The following MYLK variants were observed in gnomAD, a reference collection of about 807,000 sequenced individuals.
MYLK encodes myosin light chain kinase.
In MYLK, 106 loss-of-function variants were observed where a neutral mutation model predicts 203.4. The observed-to-expected ratio is 0.52, with a 90% CI of 0.45 to 0.61. MYLK has a LOEUF of 0.61. Ranked by LOEUF, MYLK falls within the 20% of genes least tolerant of loss-of-function variation. MYLK has a pLI of 0.00. For synonymous variants in MYLK, 867 were observed against 959.5 expected, an observed-to-expected ratio of 0.90 and a Z score of 1.78; for missense variants, 2,072 against 2,442.3, an observed-to-expected ratio of 0.85 and a Z score of 3.20.
At chr3:123,753,987 C>A (rs1014463498) in intron 4 of MYLK, among the ~76,000 whole-genome samples, 1 of 152,204 alleles carries the variant, frequency 6.6e-6, no homozygotes, top group Non-Finnish European at 1.5e-5. Flanking sequence ...CTACTCACAC[C>A]CCCTGCAAGG....
rs2059083380 is a variant in MYLK, at chr3:123,648,036, C to T, written c.4416-609G>A. Among the ~76,000 whole-genome samples, 1 of 152,222 alleles carries T rather than the reference C, an allele frequency of 6.6e-6. No homozygotes were observed. Among genetic ancestry groups the T allele is most frequent in the Admixed American group, 6.5e-5 (1 of 15,284 alleles). ...ACTGACCCCCTGGTGATGGCCCAGG[C>T]AGGGTCCTGCTTCCTACTGCTGAGA... On this transcript the variant is annotated intron_variant, in intron 26 of 33. Coordinates refer to ENST00000360304, the MANE Select transcript of MYLK (RefSeq NM_053025.4). The surrounding 1 kb of genome is among the most constrained non-coding windows in gnomAD (Gnocchi z 4.5).
chr3:123,671,172 G>A (rs1318483351), intron 20 of MYLK, among the ~76,000 whole-genome samples: 6 of 152,242 alleles, frequency 3.9e-5, no homozygotes, highest in African/African-American at 7.2e-5. Flanking sequence ...ATAGATACAC[G>A]TGGAAAGTCA....
chr3:123,681,057 G>C (rs2060246720), intron 20 of MYLK: 1 of 152,138 alleles, frequency 6.6e-6, no homozygotes. Flanking sequence ...TATTATATTT[G>C]AATTATGTAA....
rs1412559156 is a variant in MYLK, at chr3:123,732,909, G to C, written c.1503C>G (p.Thr501=). 5 of 1,613,964 alleles carry C rather than the reference G, an allele frequency of 3.1e-6. No individual in the cohort carries two copies. In the African/African-American group the frequency reaches 6.7e-5, roughly 22 times the overall value. The change falls in exon 11 of 34, where the codon ACC becomes ACG. Residue 501 remains threonine, a synonymous_variant. Transcript: ENST00000360304. ...NAQGQLSCSW[T]LQVERLAVME... ...AAGTGTACTCACTTTCCACTTGGAG[G>C]GTCCAGCTACAGGACAGCTGGCCTT...
At chr3:123,726,352 C>T (rs974681125) in intron 11 of MYLK, among the ~76,000 whole-genome samples, 4 of 152,188 alleles carry the variant, frequency 2.6e-5, no homozygotes, top group Non-Finnish European at 4.4e-5. Context: ...TGCCTTCTCT[C>T]CTCTGTGACT....
At chr3:123,868,726 ATAAGAT>A (rs2032522563) in intron 2 of MYLK, among the ~76,000 whole-genome samples, 1 of 152,240 alleles carries the variant, frequency 6.6e-6, no homozygotes, top group African/African-American at 2.4e-5. Flanking sequence ...GAACAATATC[ATAAGAT>A]TGACAAAGAT....
At chr3:123,803,830 G>A (rs554376678) in intron 3 of MYLK, among the ~76,000 whole-genome samples, 9 of 152,318 alleles carry the variant, frequency 5.9e-5, no homozygotes, top group African/African-American at 1.7e-4. Context: ...GGTCAGTCCC[G>A]ACCCACACCT....
At chr3:123,691,363 C>G (rs947369101) in intron 19 of MYLK, 1 of 152,160 alleles carries the variant, frequency 6.6e-6, no homozygotes, top group African/African-American at 2.4e-5. Context: ...TCCCATGCCC[C>G]CTCTGAATTG....
At chr3:123,742,649 G>A (rs769934193) in intron 5 of MYLK, among the ~76,000 whole-genome samples, 2 of 152,144 alleles carry the variant, frequency 1.3e-5, no homozygotes, top group East Asian at 1.9e-4. Context: ...CAAAATATCC[G>A]TGTACCATCC....
At chr3:123,831,840 G>A (rs1162483121) in intron 2 of MYLK, among the ~76,000 whole-genome samples, 170 bp from the exon 3 acceptor site, 1 of 152,174 alleles carries the variant, frequency 6.6e-6, no homozygotes. Flanking sequence ...GGGGTTATAC[G>A]TTTAGAGTTC....
intron 2 of MYLK, among the ~76,000 whole-genome samples, chr3:123,843,269 T>C (rs1163557056): frequency 1.3e-5 from 2 of 152,214 alleles, no homozygotes; most frequent in African/African-American, 2.4e-5. Flanking sequence ...GAAATAATCA[T>C]ATATTTTAAT....
In MYLK at chr3:123,666,358, C is replaced by G. The variant is rs764260723; in HGVS notation, c.3704-12G>C. The G allele has an allele frequency of 6.2e-7, 1 of 1,614,140 alleles. No individual in the cohort carries two copies. The highest frequency in any genetic ancestry group is 8.5e-7 in the Non-Finnish European group (1 of 1,180,024). ...CTGAGGGGGCATTGCTGAGGGAGGA[C>G]AGGGAGAAAGTGAGCGAGGCAGAAG... On this transcript the variant is annotated splice_polypyrimidine_tract_variant and intron_variant, in intron 21 of 33. Coordinates refer to ENST00000360304, the MANE Select transcript of MYLK (RefSeq NM_053025.4).
intron 12 of MYLK, among the ~76,000 whole-genome samples, chr3:123,724,142 T>A (rs2062194684): frequency 2.8e-4 from 3 of 10,836 alleles, no homozygotes; most frequent in East Asian, 0.024. Flanking sequence ...AGTTTTGCTT[T>A]TTTTTTTTTT....
At position 123,640,644 on chromosome 3, in the gene MYLK, T is replaced by TC; in HGVS notation, c.4620-141dup. On this transcript the variant is annotated intron_variant, in intron 27 of 33. Coordinates refer to ENST00000360304, the MANE Select transcript of MYLK (RefSeq NM_053025.4). This position sits in a 1 kb window ranked among gnomAD's most constrained non-coding sequence, Gnocchi z 4.3. The stretch of plus-strand genomic sequence containing the variant: ...ATGGGGGTGATGGGCAATTCCTGAA[T>TC]CCCCACCCTCCGACATGGGAGAAGG... 1.2e-6 allele frequency: 1 copy of TC among 846,862 alleles called. No homozygotes were observed. The highest frequency in any genetic ancestry group is 1.9e-6 in the Non-Finnish European group (1 of 515,368). 52.5% of individuals were successfully genotyped at this position (846,862 alleles called of 1,614,324 possible).
intron 3 of MYLK, among the ~76,000 whole-genome samples, chr3:123,801,865 T>G (rs2065208316): frequency 6.6e-6 from 1 of 152,228 alleles, no homozygotes; most frequent in Non-Finnish European, 1.5e-5. Flanking sequence ...TCTTTGCTAT[T>G]GGGAATAGCA....
At chr3:123,715,362 C>G (rs1417860020) in intron 13 of MYLK, among the ~76,000 whole-genome samples, 2 of 152,232 alleles carry the variant, frequency 1.3e-5, no homozygotes, top group African/African-American at 4.8e-5. Context: ...CTGAGCATCA[C>G]TTTCTTCATC....
intron 29 of MYLK, among the ~76,000 whole-genome samples, chr3:123,630,191 T>G (rs1287210910): frequency 6.6e-6 from 1 of 152,220 alleles, no homozygotes; most frequent in Non-Finnish European, 1.5e-5. Flanking sequence ...CTTGAGGCAT[T>G]TATGCCAAAC....
Position 123,880,378 on chromosome 3 carries a change from A to G in MYLK, c.-185-3761T>C, listed in dbSNP as rs74664671. On this transcript the variant is annotated intron_variant, in intron 1 of 33. Coordinates refer to ENST00000360304, the MANE Select transcript of MYLK (RefSeq NM_053025.4). ...CTCAACTATAAAAGCCCCAAGTTGC[A>G]GGTGTTCGGTTCCCCCAAAGATTAT... Among the ~76,000 whole-genome samples, 91 of 152,312 alleles carry G rather than the reference A, an allele frequency of 6.0e-4. 2 individuals are homozygous for G. The South Asian group carries it at 0.011, about 18-fold the overall frequency.
intron 2 of MYLK, among the ~76,000 whole-genome samples, chr3:123,848,097 G>A (rs964168310): frequency 2.0e-5 from 3 of 151,296 alleles, no homozygotes; most frequent in Admixed American, 6.6e-5. Flanking sequence ...AGTAGTTATG[G>A]CAAATTATAT....
Sources: allele counts gnomAD v4.1 joint callset (sites outside exome capture counted in the v4.1 genomes callset), GRCh38; gene constraint gnomAD v4.1.1; non-coding constraint Gnocchi (gnomAD v3.1); transcripts MANE v1.5; gene names NCBI Gene and HGNC (gene_info 2026-07-23, HGNC 2026-07-21).